B4GALT5: variants seen among roughly 807,000 people sequenced by gnomAD.
B4GALT5 encodes UDP-Gal:beta-GlcNAc beta-1,4-galactosyltransferase 5.
A neutral mutation model predicts 45.0 loss-of-function variants in B4GALT5; 11 were observed. The ratio of observed to expected loss-of-function variants is 0.24; its 90% CI spans 0.15 to 0.40. The LOEUF (loss-of-function observed/expected upper bound fraction) is 0.40, where lower values mean the gene tolerates loss of function less well. Among genes scored for constraint, B4GALT5 ranks in the 10% least tolerant of loss-of-function variants. The probability of loss-of-function intolerance (pLI) is 1.00; values close to 1 mark genes in which losing one functional copy is unlikely to be tolerated. For synonymous variants in B4GALT5, 185 were observed against 182.9 expected (o/e 1.01, Z -0.09); for missense variants, 337 against 500.2 (o/e 0.67, Z 3.11).
Position 49,662,620 on chromosome 20 carries a change from T to C in B4GALT5, c.116-5918A>G, listed in dbSNP as rs768912208. On this transcript the variant is annotated intron_variant, in intron 1 of 8. Coordinates refer to ENST00000371711, the MANE Select transcript of B4GALT5 (RefSeq NM_004776.4). ...CCTCCTTTCTGAGAGGAACCCAAAA[T>C]ACTGTAAGTTAACCAGTTTCACTGC... 3.9e-5 allele frequency among the ~76,000 whole-genome samples: 6 copies of C among 152,304 alleles called. No individual in the cohort carries two copies. The South Asian group carries it at 6.2e-4, about 16-fold the overall frequency.
chr20:49,641,567 T>C (rs1008918213), intron 5 of B4GALT5, among the ~76,000 whole-genome samples: 5 of 152,194 alleles, frequency 3.3e-5, no homozygotes, highest in Non-Finnish European at 5.9e-5. Context: ...GACCGGCAGA[T>C]AGACCGTTAG....
In B4GALT5 at chr20:49,636,243, T is replaced by G; in HGVS notation, c.*69A>C. On this transcript the variant is annotated 3_prime_UTR_variant, in exon 9 of 9. Transcript: ENST00000371711. ...CTCTTGCTGTGTAGACCCTCCCCCC[T>G]CCAAAAAAAAATCTCATCGGACTGC... The G allele has an allele frequency of 6.4e-7, 1 of 1,569,902 alleles. No individual in the cohort carries two copies. Among genetic ancestry groups the G allele is most frequent in the African/African-American group, 1.4e-5 (1 of 73,374 alleles).
intron 1 of B4GALT5, among the ~76,000 whole-genome samples, chr20:49,673,452 A>T (rs946634256): frequency 1.3e-5 from 2 of 152,154 alleles, no homozygotes; most frequent in South Asian, 4.1e-4. Context: ...TAGGACATGC[A>T]ATAATACTGG....
intron 1 of B4GALT5, among the ~76,000 whole-genome samples, chr20:49,680,822 TA>T (rs1446494142): frequency 2.0e-5 from 3 of 152,082 alleles, no homozygotes; most frequent in Non-Finnish European, 4.4e-5. Flanking sequence ...GCAAGTTTAT[TA>T]AGAAAGTAAA....
intron 2 of B4GALT5, among the ~76,000 whole-genome samples, chr20:49,647,325 C>T (rs182616466): frequency 1.3e-5 from 2 of 152,202 alleles, no homozygotes; most frequent in Non-Finnish European, 2.9e-5. Context: ...ACTCAGTTTA[C>T]AGTCAACTGT....
intron 1 of B4GALT5, among the ~76,000 whole-genome samples, chr20:49,686,247 T>C (rs1424442678): frequency 6.6e-6 from 1 of 152,240 alleles, no homozygotes; most frequent in African/African-American, 2.4e-5. Context: ...GATCTCTTTA[T>C]GTCTTTCCTA....
chr20:49,667,652 C>A (rs2085697280), intron 1 of B4GALT5, among the ~76,000 whole-genome samples: 1 of 152,172 alleles, frequency 6.6e-6, no homozygotes, highest in South Asian at 2.1e-4. Context: ...CTCAAGCAGT[C>A]CTCACACTTT....
Position 49,642,582 on chromosome 20 carries a change from C to T in B4GALT5, c.492G>A (p.Val164=), listed in dbSNP as rs2085581606. 1 of 1,610,422 alleles carries T rather than the reference C, an allele frequency of 6.2e-7. No individual in the cohort carries two copies. The highest frequency in any genetic ancestry group is 1.1e-5 in the South Asian group (1 of 90,882). The change falls in exon 5 of 9, where the codon GTG becomes GTA. Residue 164 remains valine, a splice_region_variant and synonymous_variant. Transcript: ENST00000371711. ...GGTTCCGGAAGGGGATAAGGATCGCCACCTGGAGTGGATTACAGCAAAAGA... is the reference window on the plus strand; with the variant it reads ...GGTTCCGGAAGGGGATAAGGATCGCTACCTGGAGTGGATTACAGCAAAAGA... ...KPSDCMPRWK[V]AILIPFRNRH...
intron 1 of B4GALT5, among the ~76,000 whole-genome samples, chr20:49,693,762 T>C (rs1453919204): frequency 6.6e-6 from 1 of 152,192 alleles, no homozygotes; most frequent in African/African-American, 2.4e-5. Flanking sequence ...CCCAGAAGTT[T>C]AGAGAACAGT....
intron 1 of B4GALT5, among the ~76,000 whole-genome samples, chr20:49,701,269 C>G (rs1471115870): frequency 6.6e-6 from 1 of 151,992 alleles, no homozygotes; most frequent in African/African-American, 2.4e-5. Flanking sequence ...TTCTAAGTAC[C>G]CACCCCTGCC....
At chr20:49,685,196 T>C (rs1284796636) in intron 1 of B4GALT5, among the ~76,000 whole-genome samples, 2 of 152,192 alleles carry the variant, frequency 1.3e-5, no homozygotes, top group African/African-American at 4.8e-5. Flanking sequence ...TTTGTTAAGA[T>C]GTGTTACACA....
At chr20:49,647,985 C>T (rs1303714380) in intron 2 of B4GALT5, among the ~76,000 whole-genome samples, 1 of 152,144 alleles carries the variant, frequency 6.6e-6, no homozygotes, top group South Asian at 2.1e-4. Flanking sequence ...TTTATCTGCC[C>T]TACTTTCCAA....
rs370854639 is a variant in B4GALT5, at chr20:49,653,957, G to C, written c.250+2611C>G. ...TAGCGCAATCCTGTGTTGCCAGACC[G>C]GCAGTGGTGTGGAAATGGGGTCCTG... On this transcript the variant is annotated intron_variant, in intron 2 of 8. Coordinates refer to ENST00000371711, the MANE Select transcript of B4GALT5 (RefSeq NM_004776.4). Among the ~76,000 whole-genome samples the C allele has an allele frequency of 1.0e-3, 159 of 152,270 alleles. 1 individual carries two copies. Among genetic ancestry groups the C allele is most frequent in the Admixed American group, 2.9e-3 (44 of 15,290 alleles).
intron 1 of B4GALT5, among the ~76,000 whole-genome samples, chr20:49,698,083 A>G (rs1046428595): frequency 5.9e-5 from 9 of 152,112 alleles, no homozygotes; most frequent in African/African-American, 2.2e-4. Context: ...GCTACTCGAG[A>G]GGCAGAGGCA....
At chr20:49,703,106 G>C (rs566143412) in intron 1 of B4GALT5, among the ~76,000 whole-genome samples, 3 of 149,166 alleles carry the variant, frequency 2.0e-5, no homozygotes, top group African/African-American at 7.4e-5. Flanking sequence ...CCCGGGAGGC[G>C]GAGCTTGCAG....
chr20:49,655,239 C>T (rs867758571), intron 2 of B4GALT5, among the ~76,000 whole-genome samples: 27 of 151,102 alleles, frequency 1.8e-4, no homozygotes, highest in Non-Finnish European at 2.5e-4. Context: ...GAGACCAGCC[C>T]GGCCAACATG....
intron 1 of B4GALT5, among the ~76,000 whole-genome samples, 177 bp downstream of exon 1, chr20:49,713,399 G>C (rs2085928312): frequency 6.6e-6 from 1 of 151,866 alleles, no homozygotes; most frequent in Non-Finnish European, 1.5e-5. Context: ...GCGCCTGTTG[G>C]GGTGCGGAGG....
Position 49,642,543 on chromosome 20 carries a change from G to C in B4GALT5, c.531C>G (p.Leu177=). 6.2e-7 allele frequency: 1 copy of C among 1,614,188 alleles called. No homozygotes were observed. The highest frequency in any genetic ancestry group is 8.5e-7 in the Non-Finnish European group (1 of 1,180,022). The change falls in exon 5 of 9, where the codon CTC becomes CTG. Residue 177 remains leucine (L), a synonymous_variant. Coordinates refer to ENST00000371711, the MANE Select transcript of B4GALT5 (RefSeq NM_004776.4). Reference sequence around the variant, plus strand: ...GAAGCAGGTGTCTGAACAGGACTGGGAGGTGCTCGTGGCGGTTCCGGAAGG... The same window carrying C: ...GAAGCAGGTGTCTGAACAGGACTGGCAGGTGCTCGTGGCGGTTCCGGAAGG... The part of the protein sequence containing the change: ...LIPFRNRHEH[L]PVLFRHLLPM...
intron 1 of B4GALT5, among the ~76,000 whole-genome samples, chr20:49,667,194 CTT>C (rs763103361): frequency 1.2e-4 from 18 of 151,788 alleles, no homozygotes; most frequent in Non-Finnish European, 2.5e-4. Context: ...GCTGCCCACA[CTT>C]TGTTTGATTC....
Sources: allele counts gnomAD v4.1 joint callset (sites outside exome capture counted in the v4.1 genomes callset), GRCh38; gene constraint gnomAD v4.1.1; transcripts MANE v1.5; gene names NCBI Gene and HGNC (gene_info 2026-07-23, HGNC 2026-07-21).